TMEM131L: variants seen among roughly 807,000 people sequenced by gnomAD.
TMEM131L encodes transmembrane protein 131-like.
Under a neutral mutation model 192.2 loss-of-function variants are expected in TMEM131L, and 54 were observed. The ratio of observed to expected loss-of-function variants is 0.28; its 90% CI spans 0.23 to 0.35. TMEM131L has a LOEUF of 0.35. Ranked by LOEUF, TMEM131L falls within the 10% of genes least tolerant of loss-of-function variation. TMEM131L has a pLI of 1.00. For missense variants in TMEM131L, 1,888 were observed against 1,972.9 expected, an observed-to-expected ratio of 0.96 and a Z score of 0.82; for synonymous variants, 701 against 704.9, an observed-to-expected ratio of 0.99 and a Z score of 0.09.
intron 25 of TMEM131L, among the ~76,000 whole-genome samples, chr4:153,605,321 C>T (rs753418118): frequency 1.3e-5 from 2 of 152,078 alleles, no homozygotes; most frequent in African/African-American, 2.4e-5. Flanking sequence ...TTTTTTTGTC[C>T]ACCCTGACCA....
intron 13 of TMEM131L, 33 bp from the exon 14 acceptor site, chr4:153,586,176 A>C (rs879415798): frequency 6.7e-7 from 1 of 1,483,770 alleles, no homozygotes; most frequent in Non-Finnish European, 9.1e-7. Context: ...TAGTGTTAGG[A>C]AAAGTAATTT....
intron 3 of TMEM131L, among the ~76,000 whole-genome samples, chr4:153,492,274 A>G (rs961178503): frequency 6.6e-6 from 1 of 152,092 alleles, no homozygotes; most frequent in Admixed American, 6.6e-5. Context: ...TTGGCCTCCC[A>G]CAGTCCTGGG....
chr4:153,536,187 C>T (rs975707447), intron 3 of TMEM131L, among the ~76,000 whole-genome samples: 7 of 152,074 alleles, frequency 4.6e-5, no homozygotes, highest in African/African-American at 1.7e-4. Flanking sequence ...CAGACCTGGC[C>T]ACTGGGGGGG....
intron 27 of TMEM131L, 113 bp from the exon 28 acceptor site, chr4:153,621,570 C>T (rs1382737137): frequency 2.0e-5 from 20 of 1,004,232 alleles, no homozygotes; most frequent in Non-Finnish European, 2.9e-5. Flanking sequence ...GAGGAGGACT[C>T]CTATTGTCCC....
chr4:153,543,315 T>C (rs1159417386), intron 3 of TMEM131L, among the ~76,000 whole-genome samples: 1 of 152,236 alleles, frequency 6.6e-6, no homozygotes, highest in East Asian at 1.9e-4. Flanking sequence ...TTTTATGTTT[T>C]TTCCTATCAG....
At position 153,555,346 on chromosome 4, in the gene TMEM131L, C is replaced by T. The variant is rs1349938852; in HGVS notation, c.309-441C>T. On this transcript the variant is annotated intron_variant, in intron 4 of 34. Transcript: ENST00000409959. This position sits in a 1 kb window ranked among gnomAD's most constrained non-coding sequence, Gnocchi z 4.1. ...ACAGTTTCTTACCTAAACATATTTT[C>T]GTTTGTTTCAATATTTTCGAATGAA... is the stretch of plus-strand genomic sequence containing the variant. 1.3e-5 allele frequency among the ~76,000 whole-genome samples: 2 copies of T among 152,140 alleles called. No individual in the cohort carries two copies. Among genetic ancestry groups the T allele is most frequent in the Non-Finnish European group, 2.9e-5 (2 of 68,018 alleles).
intron 25 of TMEM131L, among the ~76,000 whole-genome samples, chr4:153,605,091 A>G (rs1192212804): frequency 6.6e-6 from 1 of 152,204 alleles, no homozygotes; most frequent in African/African-American, 2.4e-5. Context: ...AACTTCAGCT[A>G]TTTTATTTAA....
intron 3 of TMEM131L, among the ~76,000 whole-genome samples, chr4:153,508,984 C>T (rs1734173146): frequency 6.6e-6 from 1 of 151,988 alleles, no homozygotes; most frequent in South Asian, 2.1e-4. Context: ...GTAAGTTAAA[C>T]AAATGGTACA....
At chr4:153,614,585 T>A (rs1732848476) in intron 26 of TMEM131L, among the ~76,000 whole-genome samples, 1 of 152,202 alleles carries the variant, frequency 6.6e-6, no homozygotes, top group African/African-American at 2.4e-5. Context: ...TCTTCCTGAA[T>A]GAAGGTAATA....
At chr4:153,537,656 G>T (rs969253892) in intron 3 of TMEM131L, among the ~76,000 whole-genome samples, 1 of 152,174 alleles carries the variant, frequency 6.6e-6, no homozygotes, top group African/African-American at 2.4e-5. Context: ...GTTTCGGCCG[G>T]CTTCTTTACT....
intron 26 of TMEM131L, among the ~76,000 whole-genome samples, chr4:153,617,863 G>GT (rs61453817): frequency 0.39 from 53,733 of 138,460 alleles, 12,228 homozygotes; most frequent in Non-Finnish European, 0.52. Flanking sequence ...GCTCTTCGTG[G>GT]TTTTTTTTTT....
At chr4:153,631,697 G>A (rs765828462) in intron 31 of TMEM131L, among the ~76,000 whole-genome samples, 1 of 152,226 alleles carries the variant, frequency 6.6e-6, no homozygotes, top group Non-Finnish European at 1.5e-5. Context: ...TTGTGTCCAA[G>A]AAGTCAACTC....
At chr4:153,624,784 A>G (rs2126795574) in intron 29 of TMEM131L, among the ~76,000 whole-genome samples, 1 of 152,312 alleles carries the variant, frequency 6.6e-6, no homozygotes, top group African/African-American at 2.4e-5. Context: ...GCTGTTCTAC[A>G]TGATGAACAC....
intron 25 of TMEM131L, among the ~76,000 whole-genome samples, chr4:153,604,676 G>A (rs1178411794): frequency 5.3e-5 from 8 of 152,090 alleles, no homozygotes; most frequent in Non-Finnish European, 1.0e-4. Context: ...TTTTCTTGTT[G>A]GGATGGACAT....
chr4:153,577,020 T>C (rs1729996142), intron 7 of TMEM131L, among the ~76,000 whole-genome samples: 1 of 152,168 alleles, frequency 6.6e-6, no homozygotes, highest in Admixed American at 6.5e-5. Flanking sequence ...TGAGAAGTGT[T>C]ACAAAAGGTC....
In TMEM131L at chr4:153,467,192, T is replaced by G; in HGVS notation, c.125-19T>G. 6.5e-7 allele frequency: 1 copy of G among 1,550,188 alleles called. No homozygotes were observed. Among genetic ancestry groups the G allele is most frequent in the South Asian group, 1.2e-5 (1 of 84,022 alleles). Reference sequence around the variant, plus strand: ...TAGCGTGCATTAAAAACGTGGTGTATTTTTTGGTGTTCCTGCAGCGATTGA... The same window carrying G: ...TAGCGTGCATTAAAAACGTGGTGTAGTTTTTGGTGTTCCTGCAGCGATTGA... On this transcript the variant is annotated intron_variant, in intron 1 of 34. Coordinates refer to ENST00000409959, the MANE Select transcript of TMEM131L (RefSeq NM_001131007.2).
intron 3 of TMEM131L, among the ~76,000 whole-genome samples, chr4:153,497,667 C>T (rs548105320): frequency 6.6e-6 from 1 of 152,262 alleles, no homozygotes; most frequent in East Asian, 1.9e-4. Flanking sequence ...GTTCACGTAT[C>T]TATTGCTGCT....
intron 17 of TMEM131L, among the ~76,000 whole-genome samples, chr4:153,592,022 G>A (rs1731101932): frequency 6.6e-6 from 1 of 152,072 alleles, no homozygotes; most frequent in Admixed American, 6.5e-5. Context: ...CTTTCAGTGT[G>A]AATTATTTAA....
rs1220565709 is a variant in TMEM131L at position 153,565,572 on chromosome 4, TC to T, written c.660+7207del. Among the ~76,000 whole-genome samples the T allele has an allele frequency of 2.0e-5, 3 of 152,352 alleles. No individual in the cohort carries two copies. The East Asian group carries it at 5.8e-4, about 29-fold the overall frequency. ...GCCAGCTCAGTATGCTTTAAATTTT[TC>T]CCAAATTTAGTAAATGCTATATTGA... On this transcript the variant is annotated intron_variant, in intron 7 of 34. Coordinates refer to ENST00000409959, the MANE Select transcript of TMEM131L (RefSeq NM_001131007.2).
Sources: gnomAD v4.1 joint callset for allele counts (sites outside exome capture counted in the v4.1 genomes callset) on GRCh38, gnomAD v4.1.1 for gene constraint, Gnocchi (gnomAD v3.1) non-coding constraint, MANE v1.5 for transcripts, NCBI Gene and HGNC (gene_info 2026-07-23, HGNC 2026-07-21) for gene names.